LRG1: variants seen among roughly 807,000 people sequenced by gnomAD.
The protein encoded by LRG1 is leucine rich alpha-2-glycoprotein 1.
LRG1 carries 1 observed loss-of-function variant against 2.4 expected under a neutral mutation model. The ratio of observed to expected loss-of-function variants is 0.41; its 90% CI spans 0.15 to 1.95. The LOEUF is 1.95. Among genes scored for constraint, LRG1 ranks in the 30% most tolerant of loss-of-function variants. The probability of loss-of-function intolerance (pLI) is 0.30; values close to 1 mark genes in which losing one functional copy is unlikely to be tolerated. For synonymous variants in LRG1, 226 were observed against 210.6 expected (o/e 1.07, Z -0.63); for missense variants, 425 against 436.9 (o/e 0.97, Z 0.24).
Position 4,538,300 on chromosome 19 carries a change from T to C in LRG1, c.684A>G (p.Gly228=). The C allele has an allele frequency of 1.2e-6, 2 of 1,614,244 alleles. No individual in the cohort carries two copies. The highest frequency in any genetic ancestry group is 1.7e-6 in the Non-Finnish European group (2 of 1,180,046). Residue 228 remains glycine (G), a synonymous_variant, in exon 2 of 2, where the codon GGA becomes GGG. Coordinates refer to ENST00000306390, the MANE Select transcript of LRG1 (RefSeq NM_052972.3). ...HLEGNKLQVL[G]KDLLLPQPDL... ...CCGGCTGCGGCAAGAGGAGATCTTT[T>C]CCCAGTACTTGCAATTTGTTGCCTT... is the stretch of plus-strand genomic sequence containing the variant.
rs143255717 is a variant in LRG1 at position 4,537,680 on chromosome 19, G to C, written c.*260C>G. 1,305 of 451,144 alleles carry C rather than the reference G, an allele frequency of 2.9e-3. 19 individuals carry two copies. Among genetic ancestry groups the C allele is most frequent in the African/African-American group, 0.023 (1,195 of 50,936 alleles). The allele number at this position is 451,144 out of a possible 1,614,324, so 27.9% of individuals were successfully genotyped here. A position where few individuals can be genotyped will look rare whatever the true frequency, so the allele number is the denominator to read the frequency against. ...CCTCCCAAGTTCACGCCATTCTCCTGCCTCAGCCTCCCGAGTTGCTGGGAC... is the reference window on the plus strand; with the variant it reads ...CCTCCCAAGTTCACGCCATTCTCCTCCCTCAGCCTCCCGAGTTGCTGGGAC... On this transcript the variant is annotated 3_prime_UTR_variant, in exon 2 of 2. Transcript: ENST00000306390.
Position 4,537,912 on chromosome 19 carries a change from C to A in LRG1, c.*28G>T. On this transcript the variant is annotated 3_prime_UTR_variant, in exon 2 of 2. Transcript: ENST00000306390. ...AGCGGGTTGCAGTGTTCTACCAGAC[C>A]CCCCACCCTCAACCCAAGCCCCTGG... 6.3e-7 allele frequency: 1 copy of A among 1,585,888 alleles called. No homozygotes were observed. Among genetic ancestry groups the A allele is most frequent in the Non-Finnish European group, 8.6e-7 (1 of 1,164,288 alleles).
rs932271912 is a variant in LRG1, at chr19:4,537,789, G to C, written c.*151C>G. On this transcript the variant is annotated 3_prime_UTR_variant, in exon 2 of 2. Coordinates refer to ENST00000306390, the MANE Select transcript of LRG1 (RefSeq NM_052972.3). Reference sequence around the variant, plus strand: ...TCACCATGTTAGCCAAGATGGTCTCGATCTCCTGACCTCGTGATCCGCCCA... The same window carrying C: ...TCACCATGTTAGCCAAGATGGTCTCCATCTCCTGACCTCGTGATCCGCCCA... 41 of 786,158 alleles carry C rather than the reference G, an allele frequency of 5.2e-5. No individual in the cohort carries two copies. In the South Asian group the frequency reaches 5.9e-4, roughly 11 times the overall value. The allele number at this position is 786,158 out of a possible 1,614,324, so 48.7% of individuals were successfully genotyped here. A position where few individuals can be genotyped will look rare whatever the true frequency, so the allele number is the denominator to read the frequency against.
chr19:4,538,604 G>A lies in LRG1; in HGVS notation c.380C>T (p.Ala127Val), dbSNP rs1976976364. The A allele has an allele frequency of 1.9e-6, 3 of 1,612,930 alleles. No homozygotes were observed. Among genetic ancestry groups the A allele is most frequent in the Non-Finnish European group, 2.5e-6 (3 of 1,179,494 alleles). The change falls in exon 2 of 2, where the codon GCC becomes GTC. Residue 127 changes from alanine to valine, a missense_variant. Ala to Val is a moderately conservative substitution (Grantham distance 64). Transcript: ENST00000306390. Reference sequence around the variant, plus strand: ...GAGGCCCGGGGGCAGCCCGGTCAGGGCGTTTCGGGTTAGATCCAGCACCCT... The same window carrying A: ...GAGGCCCGGGGGCAGCCCGGTCAGGACGTTTCGGGTTAGATCCAGCACCCT... ...QLRVLDLTRN[A>V]LTGLPPGLFQ...
rs1976959751 is a variant in LRG1 at position 4,537,656 on chromosome 19, C to T, written c.*284G>A. 2.5e-6 allele frequency: 1 copy of T among 406,916 alleles called. No individual in the cohort carries two copies. Among genetic ancestry groups the T allele is most frequent in the African/African-American group, 2.0e-5 (1 of 49,700 alleles). The allele number at this position is 406,916 out of a possible 1,614,324, so 25.2% of individuals were successfully genotyped here. A position where few individuals can be genotyped will look rare whatever the true frequency, so the allele number is the denominator to read the frequency against. On this transcript the variant is annotated 3_prime_UTR_variant, in exon 2 of 2. Transcript: ENST00000306390. ...GATCTTGGCTCACCGCAAGCTCCGCCTCCCAAGTTCACGCCATTCTCCTGC... is the reference window on the plus strand; with the variant it reads ...GATCTTGGCTCACCGCAAGCTCCGCTTCCCAAGTTCACGCCATTCTCCTGC...
Position 4,538,093 on chromosome 19 carries a change from G to A in LRG1, c.891C>T (p.Ser297=), listed in dbSNP as rs141355084. The change falls in exon 2 of 2, where the codon TCC becomes TCT. Residue 297 remains serine, a synonymous_variant. Transcript: ENST00000306390. ...NWDMRDGFDI[S]GNPWICDQNL... is the part of the protein sequence containing the mutation. ...TCTGGTCACAGATCCAGGGGTTGCCGGAGATGTCGAAGCCATCCCGCATGT... is the reference window on the plus strand; with the variant it reads ...TCTGGTCACAGATCCAGGGGTTGCCAGAGATGTCGAAGCCATCCCGCATGT... 302 of 1,614,188 alleles carry A rather than the reference G, an allele frequency of 1.9e-4. No individual in the cohort carries two copies. The highest frequency in any genetic ancestry group is 2.2e-4 in the Admixed American group (13 of 60,030).
Position 4,538,162 on chromosome 19 carries a change from G to T in LRG1, c.822C>A (p.Ser274Arg), listed in dbSNP as rs116362029. The change falls in exon 2 of 2, where the codon AGC becomes AGA. Residue 274 changes from serine (S) to arginine (R), a missense_variant. By Grantham distance (110) the Ser-to-Arg change is moderately radical. Coordinates refer to ENST00000306390, the MANE Select transcript of LRG1 (RefSeq NM_052972.3). ...MLDLSNNSLA[S>R]VPEGLWASLG... is the part of the protein sequence containing the mutation. The stretch of plus-strand genomic sequence containing the variant: ...GGGATGCCCAGAGCCCCTCGGGCAC[G>T]CTGGCCAGTGAGTTATTGGAGAGGT... The T allele has an allele frequency of 9.9e-6, 16 of 1,613,868 alleles. No individual in the cohort carries two copies. Among genetic ancestry groups the T allele is most frequent in the Middle Eastern group, 3.3e-4 (2 of 6,076 alleles).
At position 4,538,900 on chromosome 19, in the gene LRG1, C is replaced by G. The variant is rs368287559; in HGVS notation, c.84G>C (p.Leu28=). 3.0e-5 allele frequency: 45 copies of G among 1,516,484 alleles called. No individual in the cohort carries two copies. In the East Asian group the frequency reaches 6.8e-4, roughly 23 times the overall value. 93.9% of individuals were successfully genotyped at this position (1,516,484 alleles called of 1,614,324 possible). The change falls in exon 2 of 2, where the codon CTG becomes CTC. Residue 28 remains leucine (L), a synonymous_variant. Coordinates refer to ENST00000306390, the MANE Select transcript of LRG1 (RefSeq NM_052972.3). ...HVSRTLFLLL[L]LAASAWGVTL... ...TGACCCCCCAGGCTGAGGCTGCCAACAGCAGCAGCAGGAACAGAGTTCTAG... is the reference window on the plus strand; with the variant it reads ...TGACCCCCCAGGCTGAGGCTGCCAAGAGCAGCAGCAGGAACAGAGTTCTAG...
Position 4,538,415 on chromosome 19 carries a change from A to G in LRG1, c.569T>C (p.Leu190Pro). The G allele has an allele frequency of 1.2e-6, 2 of 1,614,156 alleles. No homozygotes were observed. The highest frequency in any genetic ancestry group is 4.5e-5 in the East Asian group (2 of 44,880). ...PPGLLANFTL[L>P]RTLDLGENQL... is the part of the protein sequence containing the mutation. ...GTTCTCCCCAAGGTCAAGGGTGCGC[A>G]GGAGGGTGAAGTTGGCCAGCAGCCC... Residue 190 changes from leucine (L) to proline (P), a missense_variant, in exon 2 of 2, where the codon CTG (leucine) becomes CCG (proline). Transcript: ENST00000306390.
Position 4,537,936 on chromosome 19 carries a change from G to C in LRG1, c.*4C>G. The C allele has an allele frequency of 6.2e-7, 1 of 1,605,144 alleles. No homozygotes were observed. Among genetic ancestry groups the C allele is most frequent in the Non-Finnish European group, 8.5e-7 (1 of 1,174,110 alleles). The stretch of plus-strand genomic sequence containing the variant: ...CCCCCCACCCTCAACCCAAGCCCCT[G>C]GTCTCACTGGGACTTGGCCACTGCC... On this transcript the variant is annotated 3_prime_UTR_variant, in exon 2 of 2. Coordinates refer to ENST00000306390, the MANE Select transcript of LRG1 (RefSeq NM_052972.3).
At chr19:4,538,988 G>A (rs1193662312) in intron 1 of LRG1, 37 bp from the exon 2 acceptor site, 5 of 1,478,830 alleles carry the variant, frequency 3.4e-6, no homozygotes, top group Non-Finnish European at 4.5e-6. Flanking sequence ...CTAAACCACA[G>A]TGAAAATACA....
chr19:4,537,666 C>A lies in LRG1; in HGVS notation c.*274G>T. 2.4e-6 allele frequency: 1 copy of A among 424,596 alleles called. No homozygotes were observed. Among genetic ancestry groups the A allele is most frequent in the Non-Finnish European group, 4.3e-6 (1 of 234,560 alleles). The allele number at this position is 424,596 out of a possible 1,614,324, so 26.3% of individuals were successfully genotyped here. The stretch of plus-strand genomic sequence containing the variant: ...CACCGCAAGCTCCGCCTCCCAAGTT[C>A]ACGCCATTCTCCTGCCTCAGCCTCC... On this transcript the variant is annotated 3_prime_UTR_variant, in exon 2 of 2. Transcript: ENST00000306390.
At chr19:4,539,872 A>T in intron 1 of LRG1, 110 bp downstream of exon 1, 1 of 1,273,832 alleles carries the variant, frequency 7.9e-7, no homozygotes, top group Non-Finnish European at 1.1e-6. Flanking sequence ...TGTGCCAGCC[A>T]CCAGGCCTGT....
At position 4,536,873 on chromosome 19, in the gene LRG1, G is replaced by A. The variant is rs1290653341; in HGVS notation, c.*1067C>T. The A allele has an allele frequency of 6.6e-6, 1 of 152,300 alleles. No individual in the cohort carries two copies. Among genetic ancestry groups the A allele is most frequent in the Non-Finnish European group, 1.5e-5 (1 of 68,100 alleles). 9.4% of individuals were successfully genotyped at this position (152,300 alleles called of 1,614,324 possible). On this transcript the variant is annotated 3_prime_UTR_variant, in exon 2 of 2. Coordinates refer to ENST00000306390, the MANE Select transcript of LRG1 (RefSeq NM_052972.3). ...TCCTGCCCCTGCAACCTTGCCCGGG[G>A]GCAGGTGCCCCCTTCGATGATCTCA... is the stretch of plus-strand genomic sequence containing the variant.
At position 4,538,650 on chromosome 19, in the gene LRG1, G is replaced by A. The variant is rs550623800; in HGVS notation, c.334C>T (p.Leu112=). 2.3e-5 allele frequency: 37 copies of A among 1,613,234 alleles called. No homozygotes were observed. The highest frequency in any genetic ancestry group is 1.7e-4 in the Middle Eastern group (1 of 6,058). ...NGLESLSPEF[L]RPVPQLRVLD... is the part of the protein sequence containing the mutation. The stretch of plus-strand genomic sequence containing the variant: ...ACCCTCAGCTGCGGCACTGGCCGCA[G>A]GAATTCGGGCGAGAGGCTTTCCAGC... Residue 112 remains leucine, a synonymous_variant, in exon 2 of 2, where the codon CTG becomes TTG. Coordinates refer to ENST00000306390, the MANE Select transcript of LRG1 (RefSeq NM_052972.3).
chr19:4,538,804 G>A lies in LRG1; in HGVS notation c.180C>T (p.Ala60=), dbSNP rs114038627. 104 of 1,603,704 alleles carry A rather than the reference G, an allele frequency of 6.5e-5. 1 individual carries two copies. Among genetic ancestry groups the A allele is most frequent in the Non-Finnish European group, 8.3e-5 (97 of 1,172,270 alleles). The change falls in exon 2 of 2, where the codon GCC becomes GCT. Residue 60 remains alanine (A), a synonymous_variant. Transcript: ENST00000306390. ...CGGCTGGCAGGTAGCCGGGGATTTC[G>A]GCAGGTGGTTGACAGGAGATGGAGC... is the stretch of plus-strand genomic sequence containing the variant. ...HGSSISCQPP[A]EIPGYLPADT... is the part of the protein sequence containing the mutation.
In LRG1 at chr19:4,538,375, C is replaced by T; in HGVS notation, c.609G>A (p.Leu203=). The change falls in exon 2 of 2, where the codon TTG becomes TTA. Residue 203 remains leucine (L), a synonymous_variant. Coordinates refer to ENST00000306390, the MANE Select transcript of LRG1 (RefSeq NM_052972.3). ...GCGGACCCCTCAGGAGGTCAGGTGGCAAGGTCTCCAACTGGTTCTCCCCAA... is the reference window on the plus strand; with the variant it reads ...GCGGACCCCTCAGGAGGTCAGGTGGTAAGGTCTCCAACTGGTTCTCCCCAA... ...LDLGENQLET[L]PPDLLRGPLQ... 1 of 1,614,194 alleles carries T rather than the reference C, an allele frequency of 6.2e-7. No homozygotes were observed.
chr19:4,538,513 G>C lies in LRG1; in HGVS notation c.471C>G (p.Val157=). The change falls in exon 2 of 2, where the codon GTC becomes GTG. Residue 157 remains valine (V), a synonymous_variant. Coordinates refer to ENST00000306390, the MANE Select transcript of LRG1 (RefSeq NM_052972.3). ...LKENQLEVLE[V]SWLHGLKALG... ...GAGCTTTCAGGCCGTGTAGCCACGA[G>C]ACCTCCAGGACCTCCAGCTGGTTTT... 3 of 1,613,910 alleles carry C rather than the reference G, an allele frequency of 1.9e-6. No individual in the cohort carries two copies. Among genetic ancestry groups the C allele is most frequent in the Non-Finnish European group, 2.5e-6 (3 of 1,180,034 alleles).
Position 4,538,354 on chromosome 19 carries a change from A to G in LRG1, c.630T>C (p.Gly210=), listed in dbSNP as rs1331083923. Residue 210 remains glycine, a synonymous_variant, in exon 2 of 2, where the codon GGT becomes GGC. Transcript: ENST00000306390. ...LETLPPDLLR[G]PLQLERLHLE... ...GATGTAGCCGTTCTAATTGCAGCGG[A>G]CCCCTCAGGAGGTCAGGTGGCAAGG... 5 of 1,614,014 alleles carry G rather than the reference A, an allele frequency of 3.1e-6. No individual in the cohort carries two copies. The highest frequency in any genetic ancestry group is 4.2e-6 in the Non-Finnish European group (5 of 1,179,994).
Sources: gnomAD v4.1 joint callset for allele counts on GRCh38, gnomAD v4.1.1 for gene constraint, MANE v1.5 for transcripts, NCBI Gene and HGNC (gene_info 2026-07-23, HGNC 2026-07-21) for gene names.